Variants in HHIPL2 observed in about 807,000 individuals in gnomAD.
HHIPL2 encodes the protein HHIP like 2, also known as HHIP-like protein 2.
HHIPL2 carries 61 observed loss-of-function variants against 61.0 expected under a neutral mutation model. That is an observed-to-expected ratio of 1.00 (90% CI 0.81 to 1.24). HHIPL2 has a LOEUF of 1.24. Among genes scored for constraint, HHIPL2 ranks in the 50% most tolerant of loss-of-function variants. HHIPL2 has a pLI of 0.00. For synonymous variants in HHIPL2, 343 were observed against 357.4 expected (o/e 0.96, Z 0.45); for missense variants, 885 against 910.2 (o/e 0.97, Z 0.36).
rs1659501593 is a variant in HHIPL2, at chr1:222,544,046, G to C, written c.465C>G (p.Arg155=). The C allele has an allele frequency of 1.2e-6, 2 of 1,614,036 alleles. No individual in the cohort carries two copies. The highest frequency in any genetic ancestry group is 1.7e-6 in the Non-Finnish European group (2 of 1,180,058). ...CCCTTCCATGAGACTCCTGGAGGCCGCGGTCATTGGTCAGCAGGGAAATGG... is the reference window on the plus strand; with the variant it reads ...CCCTTCCATGAGACTCCTGGAGGCCCCGGTCATTGGTCAGCAGGGAAATGG... ...HSAISLLTND[R]GLQESHGRDG... Residue 155 remains arginine (R), a synonymous_variant, in exon 2 of 9, where the codon CGC becomes CGG. Transcript: ENST00000343410.
chr1:222,538,808 T>C, intron 4 of HHIPL2, 34 bp from the exon 5 acceptor site: 9 of 1,608,622 alleles, frequency 5.6e-6, no homozygotes, highest in Non-Finnish European at 7.6e-6. Context: ...GTGAGTGTCG[T>C]GGCCTAAAAT....
At chr1:222,538,195 G>GGGGTGTGTGTGTGTGT (rs1356240657) in intron 5 of HHIPL2, among the ~76,000 whole-genome samples, 1 of 136,274 alleles carries the variant, frequency 7.3e-6, no homozygotes, top group African/African-American at 2.7e-5. Context: ...CTCTGGCTGG[G>GGGGTGTGTGTGTGTGT]GTGTGTGTGT....
Position 222,547,612 on chromosome 1 carries a change from AC to A in HHIPL2, c.321+111del, listed in dbSNP as rs959410884. 4.5e-6 allele frequency: 4 copies of A among 898,330 alleles called. No homozygotes were observed. In the African/African-American group the frequency reaches 6.7e-5, roughly 15 times the overall value. The allele number at this position is 898,330 out of a possible 1,614,324, so 55.6% of individuals were successfully genotyped here. On this transcript the variant is annotated intron_variant, in intron 1 of 8. Coordinates refer to ENST00000343410, the MANE Select transcript of HHIPL2 (RefSeq NM_024746.4). ...AAAGCCGGCAGCTCCAAGATGAGGC[AC>A]CCGGCACATGAACTTCTAAAGGGCT...
chr1:222,523,746 G>A (rs3748662), intron 7 of HHIPL2, 52 bp from the exon 8 acceptor site: 440,042 of 1,555,830 alleles, frequency 0.28, 63,471 homozygotes, highest in East Asian at 0.32. Context: ...AGATGCAACC[G>A]GAAAATCAAG....
intron 1 of HHIPL2, among the ~76,000 whole-genome samples, chr1:222,545,858 C>T (rs1468214536): frequency 2.0e-5 from 3 of 151,932 alleles, no homozygotes; most frequent in South Asian, 4.2e-4. Context: ...TGGTGAAACC[C>T]TGTCACTACT....
intron 7 of HHIPL2, 113 bp from the exon 8 acceptor site, chr1:222,523,807 C>T (rs1391313168): frequency 3.3e-6 from 3 of 919,398 alleles, no homozygotes; most frequent in East Asian, 2.4e-5. Context: ...TTTACTTATC[C>T]ATGGGGATGG....
chr1:222,547,928 C>A lies in HHIPL2; in HGVS notation c.117G>T (p.Leu39=). The part of the protein sequence containing the change: ...LIFLLGQVGL[L]QGHPQCLDYG... ...AATCCAGGCACTGGGGGTGTCCCTG[C>A]AGCAAGCCCACCTGGCCCAACAAGA... Residue 39 remains leucine, a synonymous_variant, in exon 1 of 9, where the codon CTG becomes CTT. Transcript: ENST00000343410. The A allele has an allele frequency of 6.2e-7, 1 of 1,613,082 alleles. No homozygotes were observed. The highest frequency in any genetic ancestry group is 8.5e-7 in the Non-Finnish European group (1 of 1,179,314).
At chr1:222,542,219 G>A in intron 2 of HHIPL2, 64 bp from the exon 3 acceptor site, 1 of 1,577,422 alleles carries the variant, frequency 6.3e-7, no homozygotes, top group Non-Finnish European at 8.6e-7. Flanking sequence ...ATCCTCTTGA[G>A]ATACCCAGAA....
intron 5 of HHIPL2, among the ~76,000 whole-genome samples, chr1:222,537,691 G>A (rs1270585623): frequency 6.6e-6 from 1 of 150,588 alleles, no homozygotes; most frequent in Non-Finnish European, 1.5e-5. Flanking sequence ...ATAAAATTAT[G>A]TTCCACATAG....
At chr1:222,538,906 C>T in intron 4 of HHIPL2, 132 bp from the exon 5 acceptor site, 1 of 821,562 alleles carries the variant, frequency 1.2e-6, no homozygotes, top group Non-Finnish European at 1.9e-6. Flanking sequence ...TTCAGTAGGA[C>T]AGGCAAGCAA....
intron 3 of HHIPL2, 34 bp downstream of exon 3, chr1:222,541,978 G>T: frequency 6.4e-7 from 1 of 1,572,224 alleles, no homozygotes; most frequent in Non-Finnish European, 8.6e-7. Flanking sequence ...GGCTCACTCT[G>T]AAGGGACAAG....
rs1009469838 is a variant in HHIPL2, at chr1:222,547,911, C to A, written c.134G>T (p.Cys45Phe). The change falls in exon 1 of 9, where the codon TGC becomes TTC. Residue 45 changes from cysteine (C) to phenylalanine (F), a missense_variant. Coordinates refer to ENST00000343410, the MANE Select transcript of HHIPL2 (RefSeq NM_024746.4). Reference sequence around the variant, plus strand: ...CTGGAAAGGGGGCCCGTAATCCAGGCACTGGGGGTGTCCCTGCAGCAAGCC... The same window carrying A: ...CTGGAAAGGGGGCCCGTAATCCAGGAACTGGGGGTGTCCCTGCAGCAAGCC... Reference protein sequence around the residue: ...QVGLLQGHPQCLDYGPPFQPP... With the variant: ...QVGLLQGHPQFLDYGPPFQPP... 1.2e-6 allele frequency: 2 copies of A among 1,613,100 alleles called. No homozygotes were observed. Among genetic ancestry groups the A allele is most frequent in the African/African-American group, 2.7e-5 (2 of 74,900 alleles).
intron 6 of HHIPL2, among the ~76,000 whole-genome samples, chr1:222,529,679 C>T (rs74949110): frequency 0.02 from 2,972 of 152,252 alleles, 86 homozygotes; most frequent in African/African-American, 0.063. Flanking sequence ...AAATTTACTG[C>T]AAACAGAATT....
At chr1:222,540,956 G>A (rs61825521) in intron 3 of HHIPL2, among the ~76,000 whole-genome samples, 50,242 of 152,010 alleles carry the variant, frequency 0.33, 8,723 homozygotes, top group East Asian at 0.51. Flanking sequence ...TAATATATTG[G>A]CCAGGTGCAG....
At position 222,540,278 on chromosome 1, in the gene HHIPL2, C is replaced by G; in HGVS notation, c.1182G>C (p.Arg394=). Residue 394 remains arginine, a synonymous_variant, in exon 4 of 9, where the codon CGG becomes CGC. Coordinates refer to ENST00000343410, the MANE Select transcript of HHIPL2 (RefSeq NM_024746.4). ...DVNRAGSHGK[R]YRVPSDNPFV... ...ATGGATTGTCCGAGGGGACTCGGTA[C>G]CGCTTGCCATGTGAGCCTGCCCTGT... is the stretch of plus-strand genomic sequence containing the variant. 6.2e-7 allele frequency: 1 copy of G among 1,614,208 alleles called. No individual in the cohort carries two copies. The highest frequency in any genetic ancestry group is 8.5e-7 in the Non-Finnish European group (1 of 1,180,032).
chr1:222,525,138 T>G (rs1659032627), intron 7 of HHIPL2: 2 of 152,118 alleles, frequency 1.3e-5, no homozygotes, highest in South Asian at 4.1e-4. Flanking sequence ...TGAAAATGCT[T>G]TATGGGTGCT....
At chr1:222,533,203 G>A (rs776196272) in intron 5 of HHIPL2, among the ~76,000 whole-genome samples, 8 of 151,770 alleles carry the variant, frequency 5.3e-5, no homozygotes, top group Admixed American at 1.3e-4. Flanking sequence ...CATCTCTACC[G>A]AAAATACAAA....
chr1:222,538,779 C>T lies in HHIPL2; in HGVS notation c.1451-5G>A, dbSNP rs755988388. The T allele has an allele frequency of 6.2e-7, 1 of 1,613,404 alleles. No homozygotes were observed. Among genetic ancestry groups the T allele is most frequent in the Admixed American group, 1.7e-5 (1 of 59,912 alleles). ...CATAGATTGGCAGAACATCATCTGT[C>T]CAGGAGAGAGGAAAGAGAGTGAGTG... On this transcript the variant is annotated splice_region_variant and splice_polypyrimidine_tract_variant and intron_variant, in intron 4 of 8. Transcript: ENST00000343410.
intron 7 of HHIPL2, 136 bp downstream of exon 7, chr1:222,526,833 T>C: frequency 1.5e-6 from 1 of 659,230 alleles, no homozygotes; most frequent in South Asian, 1.9e-5. Flanking sequence ...CATTGTCCTA[T>C]GCCATTATTT....
Sources: allele counts gnomAD v4.1 joint callset (sites outside exome capture counted in the v4.1 genomes callset), GRCh38; gene constraint gnomAD v4.1.1; transcripts MANE v1.5; gene names NCBI Gene and HGNC (gene_info 2026-07-23, HGNC 2026-07-21).